The following STAU2 variants were observed in gnomAD, a reference collection of about 807,000 sequenced individuals.
STAU2 encodes the protein staufen double-stranded RNA binding protein 2.
Under a neutral mutation model 65.9 loss-of-function variants are expected in STAU2, and 20 were observed. The observed-to-expected ratio is 0.30, with a 90% CI of 0.21 to 0.44. The LOEUF is 0.44. Among genes scored for constraint, STAU2 ranks in the 20% least tolerant of loss-of-function variants. The probability of loss-of-function intolerance (pLI) is 1.00; values close to 1 mark genes in which losing one functional copy is unlikely to be tolerated. For synonymous variants in STAU2, 232 were observed against 233.9 expected, an observed-to-expected ratio of 0.99 and a Z score of 0.07; for missense variants, 558 against 683.9, an observed-to-expected ratio of 0.82 and a Z score of 2.05.
chr8:73,578,117 G>A (rs1362678053), intron 12 of STAU2, among the ~76,000 whole-genome samples: 18 of 151,854 alleles, frequency 1.2e-4, no homozygotes, highest in African/African-American at 4.4e-4. Flanking sequence ...TCCTAAAAAT[G>A]CTCATATTAT....
chr8:73,424,763 T>C (rs1816672662), intron 13 of STAU2, among the ~76,000 whole-genome samples: 1 of 151,714 alleles, frequency 6.6e-6, no homozygotes, highest in African/African-American at 2.4e-5. Flanking sequence ...AAATCCTATA[T>C]CCAAGCAAAA....
chr8:73,635,754 G>A (rs1447934085), intron 6 of STAU2, among the ~76,000 whole-genome samples: 2 of 152,000 alleles, frequency 1.3e-5, no homozygotes, highest in African/African-American at 2.4e-5. Context: ...GAACCCAGGA[G>A]GCAGAGGTTG....
chr8:73,588,477 A>G (rs1231758127), intron 11 of STAU2, among the ~76,000 whole-genome samples: 1 of 152,256 alleles, frequency 6.6e-6, no homozygotes, highest in Non-Finnish European at 1.5e-5. Flanking sequence ...AGAGAGCCCA[A>G]CTTGGTGCAG....
At chr8:73,502,282 C>T (rs1008394964) in intron 13 of STAU2, among the ~76,000 whole-genome samples, 3 of 151,818 alleles carry the variant, frequency 2.0e-5, no homozygotes, top group Admixed American at 1.3e-4. Context: ...AAAAATTCCT[C>T]ATAAGAATTT....
At chr8:73,731,922 G>A (rs987843699) in intron 3 of STAU2, among the ~76,000 whole-genome samples, 2 of 152,130 alleles carry the variant, frequency 1.3e-5, no homozygotes, top group African/African-American at 4.8e-5. Context: ...CTGGGTGACA[G>A]ACCAAGACTT....
intron 13 of STAU2, chr8:73,550,365 T>G: frequency 1.0e-6 from 1 of 984,234 alleles, no homozygotes; most frequent in East Asian, 1.1e-4. Context: ...GCCAAGAGCT[T>G]AGAAATAAAA....
intron 12 of STAU2, among the ~76,000 whole-genome samples, chr8:73,574,115 C>T (rs1041987785): frequency 1.3e-5 from 2 of 152,096 alleles, no homozygotes; most frequent in Admixed American, 1.3e-4. Flanking sequence ...AGACACTTCT[C>T]AAAAGAAGAC....
chr8:73,541,358 T>C (rs976534046), intron 13 of STAU2, among the ~76,000 whole-genome samples: 2 of 152,142 alleles, frequency 1.3e-5, no homozygotes, highest in Admixed American at 6.5e-5. Flanking sequence ...GCTGCAGTTA[T>C]AAGGTAGAAA....
chr8:73,541,117 T>C (rs960614016), intron 13 of STAU2, among the ~76,000 whole-genome samples: 43 of 152,200 alleles, frequency 2.8e-4, no homozygotes, highest in African/African-American at 8.7e-4. Flanking sequence ...ACTTTTTGAA[T>C]AGAGTGCAGT....
intron 10 of STAU2, among the ~76,000 whole-genome samples, chr8:73,601,930 G>C (rs2129696485): frequency 6.6e-6 from 1 of 152,174 alleles, no homozygotes; most frequent in Middle Eastern, 3.4e-3. Context: ...TCAAAGTTAA[G>C]AATGTTAAGG....
chr8:73,619,663 A>C (rs1266075045), intron 6 of STAU2, among the ~76,000 whole-genome samples: 3 of 152,188 alleles, frequency 2.0e-5, no homozygotes, highest in Admixed American at 1.3e-4. Flanking sequence ...GTGGATAAGC[A>C]CCTGGAAAGG....
At chr8:73,612,208 A>G (rs1255309295) in intron 9 of STAU2, among the ~76,000 whole-genome samples, 2 of 152,352 alleles carry the variant, frequency 1.3e-5, no homozygotes, top group East Asian at 3.9e-4. Flanking sequence ...ACAAAATACC[A>G]ATAGTTAATA....
chr8:73,576,344 G>T (rs999635571), intron 12 of STAU2, among the ~76,000 whole-genome samples: 4 of 152,176 alleles, frequency 2.6e-5, no homozygotes, highest in South Asian at 4.2e-4. Context: ...AATCTTAAGT[G>T]GGGGGCGGGA....
At chr8:73,672,931 T>A in intron 6 of STAU2, 176 bp downstream of exon 6, 1 of 499,750 alleles carries the variant, frequency 2.0e-6, no homozygotes, top group Non-Finnish European at 3.1e-6. Flanking sequence ...TCCTGAAAAC[T>A]GGGTTTCTTT....
At chr8:73,543,935 C>T (rs1418657814) in intron 13 of STAU2, among the ~76,000 whole-genome samples, 1 of 152,168 alleles carries the variant, frequency 6.6e-6, no homozygotes, top group Non-Finnish European at 1.5e-5. Context: ...TTTCAACTGC[C>T]TACTGGACAA....
At position 73,595,150 on chromosome 8, in the gene STAU2, T is replaced by A. The variant is rs1563446183; in HGVS notation, c.1161+16A>T. On this transcript the variant is annotated intron_variant, in intron 11 of 14. Transcript: ENST00000524300. ...TTATGACAGATAGGATACATACATG[T>A]AAACTTAACTCTTACCTTCTCAAGT... The A allele has an allele frequency of 6.3e-7, 1 of 1,588,576 alleles. No individual in the cohort carries two copies. Among genetic ancestry groups the A allele is most frequent in the South Asian group, 1.2e-5 (1 of 85,826 alleles).
chr8:73,589,640 G>T (rs1810626366), intron 11 of STAU2, among the ~76,000 whole-genome samples: 1 of 152,010 alleles, frequency 6.6e-6, no homozygotes, highest in African/African-American at 2.4e-5. Context: ...AAGAAATATT[G>T]TTGAACTTGT....
chr8:73,708,271 C>G (rs948805162), intron 4 of STAU2, among the ~76,000 whole-genome samples: 1 of 152,070 alleles, frequency 6.6e-6, no homozygotes, highest in Non-Finnish European at 1.5e-5. Context: ...ATTAATCAAC[C>G]CTTAGAGAAC....
chr8:73,471,439 A>C (rs61461561), intron 13 of STAU2, among the ~76,000 whole-genome samples: 1 of 150,464 alleles, frequency 6.6e-6, no homozygotes, highest in African/African-American at 2.4e-5. Flanking sequence ...CTGCCTACCT[A>C]GGCCTCCCAA....
Sources: allele counts gnomAD v4.1 joint callset (sites outside exome capture counted in the v4.1 genomes callset), GRCh38; gene constraint gnomAD v4.1.1; transcripts MANE v1.5; gene names NCBI Gene and HGNC (gene_info 2026-07-23, HGNC 2026-07-21).